Variants in OXCT1 observed in about 807,000 individuals in gnomAD.
The protein encoded by OXCT1 is succinyl-CoA:3-ketoacid coenzyme A transferase 1, mitochondrial.
In OXCT1, 27 loss-of-function variants were observed where a neutral mutation model predicts 69.6. The ratio of observed to expected loss-of-function variants is 0.39; its 90% CI spans 0.29 to 0.54. The LOEUF (loss-of-function observed/expected upper bound fraction) is 0.54. Ranked by LOEUF, OXCT1 falls within the 20% of genes least tolerant of loss-of-function variation. The pLI is 0.72. For synonymous variants in OXCT1, 202 were observed against 217.8 expected, an observed-to-expected ratio of 0.93 and a Z score of 0.64; for missense variants, 437 against 650.2, an observed-to-expected ratio of 0.67 and a Z score of 3.57.
rs550391458 is a variant in OXCT1, at chr5:41,845,459, T to C, written c.565-2678A>G. On this transcript the variant is annotated intron_variant, in intron 5 of 16. Coordinates refer to ENST00000196371, the MANE Select transcript of OXCT1 (RefSeq NM_000436.4). ...TCAGTTCCTCCACTAGCAGGAGGAC[T>C]TGATCTAGATCATTTTACCACAGTG... Among the ~76,000 whole-genome samples, 3 of 152,260 alleles carry C rather than the reference T, an allele frequency of 2.0e-5. No individual in the cohort carries two copies. In the South Asian group the frequency reaches 6.2e-4, roughly 32 times the overall value.
intron 7 of OXCT1, among the ~76,000 whole-genome samples, chr5:41,834,207 A>G (rs1217173997): frequency 6.6e-6 from 1 of 152,050 alleles, no homozygotes; most frequent in African/African-American, 2.4e-5. Flanking sequence ...AAGAAAAATC[A>G]CCTTCACTAG....
intron 7 of OXCT1, among the ~76,000 whole-genome samples, chr5:41,809,446 C>T (rs568674138): frequency 6.6e-6 from 1 of 151,930 alleles, no homozygotes; most frequent in African/African-American, 2.4e-5. Flanking sequence ...AGTTTCTAAA[C>T]CCTAAAAGCA....
chr5:41,759,696 T>C (rs1392240891), intron 14 of OXCT1, among the ~76,000 whole-genome samples: 1 of 152,028 alleles, frequency 6.6e-6, no homozygotes. Context: ...AAAAAACACA[T>C]TTTTACAAAG....
Position 41,845,633 on chromosome 5 carries a change from A to G in OXCT1, c.565-2852T>C, listed in dbSNP as rs1369034260. 2.6e-5 allele frequency among the ~76,000 whole-genome samples: 4 copies of G among 152,214 alleles called. No homozygotes were observed. In the East Asian group the frequency reaches 7.7e-4, roughly 29 times the overall value. On this transcript the variant is annotated intron_variant, in intron 5 of 16. Coordinates refer to ENST00000196371, the MANE Select transcript of OXCT1 (RefSeq NM_000436.4). ...CATATTCCTAGGGAATTCAGACAAA[A>G]TTAAAAAACTACGAGTTTGAGGCAC...
chr5:41,782,033 G>A (rs922228914), intron 13 of OXCT1, among the ~76,000 whole-genome samples: 5 of 151,722 alleles, frequency 3.3e-5, no homozygotes, highest in Non-Finnish European at 1.5e-5. Context: ...TTGCCACACT[G>A]TCTTCCAAAA....
chr5:41,769,028 C>T (rs1055505116), intron 13 of OXCT1, among the ~76,000 whole-genome samples: 3 of 152,076 alleles, frequency 2.0e-5, no homozygotes, highest in Non-Finnish European at 2.9e-5. Context: ...AAGTGAGCTC[C>T]GGCTTATTCT....
intron 1 of OXCT1, among the ~76,000 whole-genome samples, chr5:41,864,553 C>G (rs1430092684): frequency 6.6e-6 from 1 of 152,180 alleles, no homozygotes; most frequent in Non-Finnish European, 1.5e-5. Context: ...AACAGGCCAA[C>G]AGAAGGATCG....
chr5:41,790,618 C>T (rs574005855), intron 13 of OXCT1, among the ~76,000 whole-genome samples: 12 of 151,962 alleles, frequency 7.9e-5, no homozygotes, highest in Non-Finnish European at 1.8e-4. Context: ...GAACTCATGG[C>T]TTACACAGCC....
intron 3 of OXCT1, among the ~76,000 whole-genome samples, chr5:41,854,654 G>A (rs1362266100): frequency 6.6e-6 from 1 of 151,694 alleles, no homozygotes; most frequent in African/African-American, 2.4e-5. Context: ...TTTTAATGGC[G>A]AAATATTTTT....
At chr5:41,764,501 T>C (rs927701193) in intron 13 of OXCT1, among the ~76,000 whole-genome samples, 14 of 152,276 alleles carry the variant, frequency 9.2e-5, no homozygotes, top group African/African-American at 3.4e-4. Flanking sequence ...TTGTTGCCTA[T>C]GGAAGGAAAA....
intron 1 of OXCT1, 91 bp from the exon 2 acceptor site, chr5:41,862,841 A>T: frequency 1.3e-6 from 1 of 763,802 alleles, no homozygotes; most frequent in Non-Finnish European, 2.3e-6. Context: ...TAGACAAATG[A>T]TAATTTCATT....
At chr5:41,826,018 C>T (rs1328394792) in intron 7 of OXCT1, among the ~76,000 whole-genome samples, 1 of 152,110 alleles carries the variant, frequency 6.6e-6, no homozygotes, top group African/African-American at 2.4e-5. Flanking sequence ...ATTTCAAATA[C>T]AAAGGCAGAG....
At chr5:41,746,574 T>C (rs1743504525) in intron 15 of OXCT1, among the ~76,000 whole-genome samples, 1 of 152,072 alleles carries the variant, frequency 6.6e-6, no homozygotes, top group East Asian at 1.9e-4. Context: ...GTTCCAGACG[T>C]AGATGCTCTT....
At chr5:41,867,205 C>T (rs1293392332) in intron 1 of OXCT1, among the ~76,000 whole-genome samples, 1 of 152,090 alleles carries the variant, frequency 6.6e-6, no homozygotes, top group East Asian at 1.9e-4. Context: ...GCTTTTGAAA[C>T]AGATGTCACA....
At chr5:41,763,365 G>A (rs529290785) in intron 13 of OXCT1, among the ~76,000 whole-genome samples, 59 of 152,176 alleles carry the variant, frequency 3.9e-4, no homozygotes, top group African/African-American at 1.3e-3. Context: ...AGTACAAAAT[G>A]AGCCTGGTTT....
intron 16 of OXCT1, among the ~76,000 whole-genome samples, chr5:41,732,968 C>A (rs1211066319): frequency 6.6e-6 from 1 of 152,018 alleles, no homozygotes; most frequent in East Asian, 1.9e-4. Flanking sequence ...GCAAAAATGT[C>A]TACTAAAAGA....
At chr5:41,846,528 T>C (rs1183573001) in intron 5 of OXCT1, among the ~76,000 whole-genome samples, 30 of 150,580 alleles carry the variant, frequency 2.0e-4, no homozygotes, top group Non-Finnish European at 3.4e-4. Context: ...ATCCAGTCTA[T>C]CATTGTTGGA....
intron 1 of OXCT1, among the ~76,000 whole-genome samples, chr5:41,869,226 G>C (rs747628508): frequency 1.3e-5 from 2 of 152,188 alleles, no homozygotes; most frequent in South Asian, 2.1e-4. Flanking sequence ...TGTTCTCAGC[G>C]GTCAGGGATT....
intron 15 of OXCT1, chr5:41,739,761 C>T: frequency 2.8e-6 from 1 of 361,248 alleles, no homozygotes; most frequent in Non-Finnish European, 5.4e-6. Context: ...GTCCCAGCTA[C>T]TTGGGAGGCT....
Sources: allele counts gnomAD v4.1 joint callset (sites outside exome capture counted in the v4.1 genomes callset), GRCh38; gene constraint gnomAD v4.1.1; transcripts MANE v1.5; gene names NCBI Gene and HGNC (gene_info 2026-07-23, HGNC 2026-07-21).